Variants in AGMO observed in about 807,000 individuals in gnomAD.
AGMO encodes alkylglycerol monooxygenase.
Under a neutral mutation model 60.2 loss-of-function variants are expected in AGMO, and 75 were observed. That is an observed-to-expected ratio of 1.25 (90% CI 1.03 to 1.51). The LOEUF is 1.51. Among genes scored for constraint, AGMO ranks in the 40% most tolerant of loss-of-function variants. AGMO has a pLI of 0.00. For synonymous variants in AGMO, 261 were observed against 177.1 expected, an observed-to-expected ratio of 1.47 and a Z score of -3.76; for missense variants, 763 against 525.5, an observed-to-expected ratio of 1.45 and a Z score of -4.42.
intron 12 of AGMO, among the ~76,000 whole-genome samples, chr7:15,204,966 AG>A (rs1484632298): frequency 1.3e-5 from 2 of 152,088 alleles, no homozygotes; most frequent in East Asian, 3.9e-4. Flanking sequence ...TTGGGCCTAT[AG>A]GGACATATCA....
chr7:15,130,685 G>C, the AGMO span, among the ~76,000 whole-genome samples: 1 of 151,800 alleles, frequency 6.6e-6, no homozygotes, highest in African/African-American at 2.4e-5. Flanking sequence ...CTTTGCTATT[G>C]GTTTTATAGT....
chr7:15,478,753 C>G (rs1782665311), intron 3 of AGMO, among the ~76,000 whole-genome samples: 1 of 152,144 alleles, frequency 6.6e-6, no homozygotes, highest in African/African-American at 2.4e-5. Flanking sequence ...TGTATTAAAG[C>G]CTGTTCAGGT....
the AGMO span, among the ~76,000 whole-genome samples, chr7:15,152,994 A>G: frequency 1.3e-5 from 2 of 152,106 alleles, no homozygotes; most frequent in Admixed American, 1.3e-4. Context: ...CACCACATCC[A>G]CAGCAACATC....
At chr7:15,199,032 G>C (rs1469727121), downstream of AGMO, among the ~76,000 whole-genome samples, 1 of 152,110 alleles carries the variant, frequency 6.6e-6, no homozygotes, top group Non-Finnish European at 1.5e-5. Context: ...TATCATTTTT[G>C]TTTCAAAGGC....
chr7:15,162,584 C>G, the AGMO span, among the ~76,000 whole-genome samples: 3 of 152,166 alleles, frequency 2.0e-5, no homozygotes, highest in African/African-American at 7.2e-5. Context: ...GTCCCAGTAA[C>G]CCAGGAGGCT....
At chr7:15,221,472 C>A (rs1781920227) in intron 12 of AGMO, among the ~76,000 whole-genome samples, 1 of 152,064 alleles carries the variant, frequency 6.6e-6, no homozygotes, top group Admixed American at 6.6e-5. Flanking sequence ...CTTTATTTCC[C>A]TTGCTGAGAC....
chr7:15,416,127 A>T (rs1324303944), intron 5 of AGMO, among the ~76,000 whole-genome samples: 2 of 145,434 alleles, frequency 1.4e-5, no homozygotes, highest in African/African-American at 5.1e-5. Context: ...TCCGCCTCCC[A>T]GGTTCAAGCA....
At chr7:15,267,755 A>C (rs1783476590) in intron 12 of AGMO, among the ~76,000 whole-genome samples, 1 of 151,958 alleles carries the variant, frequency 6.6e-6, no homozygotes, top group Non-Finnish European at 1.5e-5. Context: ...TGATTACACA[A>C]GCTGAAGGGA....
At chr7:15,368,681 C>T (rs1783082666) in intron 10 of AGMO, among the ~76,000 whole-genome samples, 1 of 152,058 alleles carries the variant, frequency 6.6e-6, no homozygotes, top group Non-Finnish European at 1.5e-5. Context: ...TGTTCAGGAG[C>T]TTAGGCTAAT....
chr7:15,295,613 TAATA>T (rs1453142695), intron 12 of AGMO, among the ~76,000 whole-genome samples: 1 of 152,062 alleles, frequency 6.6e-6, no homozygotes, highest in East Asian at 1.9e-4. Context: ...TTGATTAAAA[TAATA>T]TATAGATGTT....
chr7:15,189,309 A>G, the AGMO span, among the ~76,000 whole-genome samples: 1 of 152,170 alleles, frequency 6.6e-6, no homozygotes, highest in South Asian at 2.1e-4. Context: ...AAAAGAGAGA[A>G]GATTCTAACT....
At chr7:15,264,239 G>T (rs916458500) in intron 12 of AGMO, among the ~76,000 whole-genome samples, 18 of 151,450 alleles carry the variant, frequency 1.2e-4, no homozygotes, top group African/African-American at 4.4e-4. Context: ...TTTTAGAAAA[G>T]CTTAAAATAT....
intron 12 of AGMO, among the ~76,000 whole-genome samples, chr7:15,341,527 C>T (rs1781846663): frequency 6.6e-6 from 1 of 152,142 alleles, no homozygotes; most frequent in African/African-American, 2.4e-5. Flanking sequence ...CTAGGAAGTT[C>T]CAAAGTTTCC....
intron 5 of AGMO, among the ~76,000 whole-genome samples, chr7:15,405,814 T>A (rs1027509273): frequency 6.6e-6 from 1 of 151,794 alleles, no homozygotes; most frequent in Admixed American, 6.6e-5. Context: ...CTCTTTTGGG[T>A]TCTGAGAACA....
chr7:15,341,520 G>A (rs1389163639), intron 12 of AGMO, among the ~76,000 whole-genome samples: 4 of 152,124 alleles, frequency 2.6e-5, no homozygotes, highest in Admixed American at 2.6e-4. Flanking sequence ...CAAGTCTCTA[G>A]GAAGTTCCAA....
In AGMO at chr7:15,532,871, G is replaced by C. The variant is rs536145423; in HGVS notation, c.409+11901C>G. 3.2e-3 allele frequency among the ~76,000 whole-genome samples: 482 copies of C among 152,144 alleles called. 1 individual carries two copies. The highest frequency in any genetic ancestry group is 0.011 in the African/African-American group (466 of 41,516). Reference sequence around the variant, plus strand: ...CCGAGAATGGTGGCATGTGCCTACAGACACAGCTACTCAGGAGGCTGAGGT... The same window carrying C: ...CCGAGAATGGTGGCATGTGCCTACACACACAGCTACTCAGGAGGCTGAGGT... On this transcript the variant is annotated intron_variant, in intron 3 of 12. Coordinates refer to ENST00000342526, the MANE Select transcript of AGMO (RefSeq NM_001004320.2).
rs75747711 is a variant in AGMO, at chr7:15,547,267, C to T, written c.258-2344G>A. Among the ~76,000 whole-genome samples, 718 of 152,266 alleles carry T rather than the reference C, an allele frequency of 4.7e-3. 3 individuals are homozygous for T. Among genetic ancestry groups the T allele is most frequent in the Non-Finnish European group, 8.4e-3 (569 of 68,018 alleles). On this transcript the variant is annotated intron_variant, in intron 2 of 12. Coordinates refer to ENST00000342526, the MANE Select transcript of AGMO (RefSeq NM_001004320.2). ...GAGCAAAATTTTCCCCAGTTGATAACCTCTGCCTTGAAACAACTGATCTGG... is the reference window on the plus strand; with the variant it reads ...GAGCAAAATTTTCCCCAGTTGATAATCTCTGCCTTGAAACAACTGATCTGG...
At chr7:15,219,038 G>C (rs1055979924) in intron 12 of AGMO, among the ~76,000 whole-genome samples, 1 of 152,140 alleles carries the variant, frequency 6.6e-6, no homozygotes, top group East Asian at 1.9e-4. Context: ...TTAGATAAGA[G>C]AAAGTATTGT....
At chr7:15,540,856 T>C (rs761372188) in intron 3 of AGMO, among the ~76,000 whole-genome samples, 1 of 152,156 alleles carries the variant, frequency 6.6e-6, no homozygotes, top group African/African-American at 2.4e-5. Context: ...AGTATATATA[T>C]AGAAAATGTA....
Sources: gnomAD v4.1 joint callset for allele counts (sites outside exome capture counted in the v4.1 genomes callset) on GRCh38, gnomAD v4.1.1 for gene constraint, MANE v1.5 for transcripts, NCBI Gene and HGNC (gene_info 2026-07-23, HGNC 2026-07-21) for gene names.